Variants in ASTN2 observed in about 807,000 individuals in gnomAD.
The protein encoded by ASTN2 is astrotactin 2, also known as astrotactin-2.
In ASTN2, 54 loss-of-function variants were observed where a neutral mutation model predicts 139.8. The observed-to-expected ratio is 0.39, with a 90% confidence interval of 0.31 to 0.48. The LOEUF (loss-of-function observed/expected upper bound fraction) is 0.48. ASTN2 is among the 20% of genes least tolerant of loss of function. ASTN2 has a pLI of 0.95. For synonymous variants in ASTN2, 756 were observed against 719.5 expected (o/e 1.05, Z -0.81); for missense variants, 1,565 against 1,725.1 (o/e 0.91, Z 1.64).
At chr9:116,980,503 C>T (rs965886204) in intron 7 of ASTN2, among the ~76,000 whole-genome samples, 1 of 152,038 alleles carries the variant, frequency 6.6e-6, no homozygotes, top group Admixed American at 6.5e-5. Flanking sequence ...ACATATTAGA[C>T]ATGTAGAGAC....
intron 10 of ASTN2, among the ~76,000 whole-genome samples, chr9:116,953,399 A>G (rs1205684096): frequency 2.0e-5 from 3 of 152,180 alleles, no homozygotes; most frequent in Non-Finnish European, 2.9e-5. Context: ...TAGCCAAGCC[A>G]ATTTCCTGAG....
At chr9:116,779,681 T>C (rs969423189) in intron 13 of ASTN2, among the ~76,000 whole-genome samples, 3 of 152,174 alleles carry the variant, frequency 2.0e-5, no homozygotes, top group African/African-American at 7.2e-5. Flanking sequence ...GTATTGCTAA[T>C]TTCCCTTCTT....
intron 3 of ASTN2, among the ~76,000 whole-genome samples, chr9:117,202,464 G>A (rs137933923): frequency 6.6e-6 from 1 of 152,090 alleles, no homozygotes; most frequent in South Asian, 2.1e-4. Context: ...GTGTATTTTT[G>A]CAGTGCCTGG....
chr9:116,586,656 A>AAG (rs1854155114), intron 19 of ASTN2, among the ~76,000 whole-genome samples: 2 of 152,078 alleles, frequency 1.3e-5, no homozygotes, highest in Admixed American at 6.6e-5. Flanking sequence ...GGAGGGAGGG[A>AAG]GAGATCCGGC....
intron 16 of ASTN2, among the ~76,000 whole-genome samples, chr9:116,695,255 A>C (rs1054572125): frequency 5.9e-5 from 9 of 152,178 alleles, no homozygotes; most frequent in Non-Finnish European, 7.3e-5. Flanking sequence ...AGGATAATAA[A>C]AATATTACCA....
At chr9:117,210,793 A>G (rs558692273) in intron 3 of ASTN2, among the ~76,000 whole-genome samples, 3 of 152,288 alleles carry the variant, frequency 2.0e-5, no homozygotes, top group African/African-American at 7.2e-5. Flanking sequence ...ATGAAAATAT[A>G]TGCAAAAATC....
chr9:116,888,349 G>A (rs911591812), intron 10 of ASTN2, among the ~76,000 whole-genome samples: 1 of 152,134 alleles, frequency 6.6e-6, no homozygotes, highest in Non-Finnish European at 1.5e-5. Flanking sequence ...TGTACATACA[G>A]GCAGTGACAA....
intron 19 of ASTN2, among the ~76,000 whole-genome samples, chr9:116,515,650 T>C (rs1850615947): frequency 6.6e-6 from 1 of 152,188 alleles, no homozygotes; most frequent in Non-Finnish European, 1.5e-5. Flanking sequence ...TTTTCTTGTC[T>C]TTTAAATGCA....
chr9:117,008,327 C>T, intron 6 of ASTN2, 68 bp from the exon 7 acceptor site: 1 of 1,427,314 alleles, frequency 7.0e-7, no homozygotes, highest in Non-Finnish European at 9.4e-7. Context: ...CTACAGAACA[C>T]AGAAAGGTGT....
At chr9:116,564,956 T>A (rs1853107033) in intron 19 of ASTN2, among the ~76,000 whole-genome samples, 1 of 152,106 alleles carries the variant, frequency 6.6e-6, no homozygotes, top group African/African-American at 2.4e-5. Flanking sequence ...CCTCTAAGCA[T>A]CATTGTCCAA....
intron 1 of ASTN2, among the ~76,000 whole-genome samples, chr9:117,410,755 T>A (rs918161552): frequency 1.3e-5 from 2 of 152,146 alleles, no homozygotes; most frequent in African/African-American, 4.8e-5. Context: ...CAGAGATGCC[T>A]TCCTTCCCTG....
intron 2 of ASTN2, among the ~76,000 whole-genome samples, chr9:117,263,167 C>T (rs564599632): frequency 7.2e-5 from 11 of 152,262 alleles, no homozygotes; most frequent in African/African-American, 2.4e-4. Context: ...GATACTTTGG[C>T]TAAAAATAAG....
intron 19 of ASTN2, among the ~76,000 whole-genome samples, chr9:116,595,180 T>C (rs141970359): frequency 2.4e-4 from 37 of 152,368 alleles, no homozygotes; most frequent in African/African-American, 8.4e-4. Flanking sequence ...TTGATGATTA[T>C]ATAGGATAAC....
At chr9:117,360,006 C>A (rs1829649186) in intron 1 of ASTN2, among the ~76,000 whole-genome samples, 1 of 152,118 alleles carries the variant, frequency 6.6e-6, no homozygotes, top group South Asian at 2.1e-4. Context: ...TAGATGCAAG[C>A]CCGTTGGCTT....
intron 19 of ASTN2, among the ~76,000 whole-genome samples, chr9:116,600,117 G>A (rs1302423467): frequency 6.6e-6 from 1 of 152,060 alleles, no homozygotes; most frequent in Admixed American, 6.6e-5. Context: ...GAGTCCAGGA[G>A]TTTGGGACCA....
chr9:116,907,925 C>T (rs1834209567), intron 10 of ASTN2, among the ~76,000 whole-genome samples: 1 of 152,118 alleles, frequency 6.6e-6, no homozygotes, highest in Admixed American at 6.5e-5. Context: ...TAGGAGGCAT[C>T]GTTTGGAGGC....
At chr9:117,393,336 A>T (rs897558536) in intron 1 of ASTN2, among the ~76,000 whole-genome samples, 1 of 152,210 alleles carries the variant, frequency 6.6e-6, no homozygotes, top group Non-Finnish European at 1.5e-5. Flanking sequence ...AGAGAGACAG[A>T]GACTGAGAGA....
intron 11 of ASTN2, among the ~76,000 whole-genome samples, chr9:116,840,931 C>T (rs916632112): frequency 2.0e-5 from 3 of 151,118 alleles, no homozygotes; most frequent in Non-Finnish European, 4.4e-5. Flanking sequence ...ACATCCCAGA[C>T]GATAGGCGGC....
intron 19 of ASTN2, among the ~76,000 whole-genome samples, chr9:116,594,460 C>G (rs995174382): frequency 1.3e-5 from 2 of 152,174 alleles, no homozygotes; most frequent in Admixed American, 1.3e-4. Flanking sequence ...CCACTAGTAT[C>G]AACTCTACAT....
Sources: gnomAD v4.1 joint callset for allele counts (sites outside exome capture counted in the v4.1 genomes callset) on GRCh38, gnomAD v4.1.1 for gene constraint, MANE v1.5 for transcripts, NCBI Gene and HGNC (gene_info 2026-07-23, HGNC 2026-07-21) for gene names.